The following GOLGA8A variants were observed in gnomAD, a reference collection of about 807,000 sequenced individuals.
GOLGA8A encodes the protein golgin A8 family member A.
In GOLGA8A, 3 loss-of-function variants were observed where a neutral mutation model predicts 22.1. That is an observed-to-expected ratio of 0.14 (90% CI 0.06 to 0.35). The LOEUF is 0.35. Ranked by LOEUF, GOLGA8A falls within the 10% of genes least tolerant of loss-of-function variation. The pLI, the probability that GOLGA8A is intolerant of heterozygous loss-of-function variation, is 1.00. For synonymous variants in GOLGA8A, 7 were observed against 91.7 expected (o/e 0.08, Z 5.28); for missense variants, 16 against 233.2 (o/e 0.07, Z 6.07).
chr15:34,429,174 T>G (rs1297935205), intron 2 of GOLGA8A, among the ~76,000 whole-genome samples: 2 of 147,538 alleles, frequency 1.4e-5, no homozygotes, highest in Non-Finnish European at 3.0e-5. Flanking sequence ...TGACCGCGTC[T>G]TCCTCCCATG....
chr15:34,435,712 G>A (rs868020574), intron 1 of GOLGA8A, among the ~76,000 whole-genome samples: 1 of 148,528 alleles, frequency 6.7e-6, no homozygotes, highest in Non-Finnish European at 1.5e-5. Flanking sequence ...CAGTGGGGAG[G>A]AGCACAGACC....
intron 2 of GOLGA8A, chr15:34,428,647 A>C (rs905328096): frequency 6.8e-6 from 1 of 147,830 alleles, no homozygotes; most frequent in African/African-American, 2.5e-5. Flanking sequence ...GCTTCACATT[A>C]TCACGTAAGA....
rs769476735 is a variant in GOLGA8A, at chr15:34,381,245, C to G, written c.*166G>C. 5.4e-6 allele frequency: 6 copies of G among 1,109,766 alleles called. No individual in the cohort carries two copies. The highest frequency in any genetic ancestry group is 2.6e-5 in the East Asian group (1 of 39,064). 68.7% of individuals were successfully genotyped at this position (1,109,766 alleles called of 1,614,324 possible). On this transcript the variant is annotated 3_prime_UTR_variant, in exon 25 of 25. Coordinates refer to ENST00000359187, the MANE Select transcript of GOLGA8A (RefSeq NM_181077.5). ...TCAGTGAGAGCCACAGAGACCCACT[C>G]TCTTTTAACTTTTTACAAATAAACT...
chr15:34,416,328 C>G (rs1476917157), intron 2 of GOLGA8A: 1 of 147,672 alleles, frequency 6.8e-6, no homozygotes, highest in East Asian at 2.1e-4. Flanking sequence ...TATTTTGATA[C>G]TCTTTTGTCC....
At chr15:34,427,330 CAAAAAAAA>C (rs67775520) in intron 2 of GOLGA8A, among the ~76,000 whole-genome samples, 1 of 78,848 alleles carries the variant, frequency 1.3e-5, no homozygotes, top group Non-Finnish European at 2.5e-5. Flanking sequence ...GACTCCGTCA[CAAAAAAAA>C]AAAAAAAAAA....
At chr15:34,430,981 C>T (rs924534878) in intron 2 of GOLGA8A, among the ~76,000 whole-genome samples, 1 of 145,878 alleles carries the variant, frequency 6.9e-6, no homozygotes, top group African/African-American at 2.5e-5. Flanking sequence ...GCACATGGCT[C>T]ACTTATTACA....
At chr15:34,397,129 CTTCTTTTTTTTTT>C (rs1891882458) in intron 8 of GOLGA8A, among the ~76,000 whole-genome samples, 1 of 27,804 alleles carries the variant, frequency 3.6e-5, no homozygotes, top group South Asian at 5.8e-3. Flanking sequence ...CTTTTTTCTT[CTTCTTTTTTTTTT>C]GGTGGTGGTG....
chr15:34,428,643 C>G (rs1566912944), intron 2 of GOLGA8A: 2 of 147,920 alleles, frequency 1.4e-5, no homozygotes, highest in Non-Finnish European at 3.0e-5. Context: ...TGACGCTTCA[C>G]ATTATCACGT....
In GOLGA8A at chr15:34,437,638, T is replaced by G. The variant is rs1177704025; in HGVS notation, c.-1452A>C. ...CGCCGCCGTCCTCGCCGCGCCGCCG[T>G]CCTCGCCGCGCCGCCGTCCTCGCCG... On this transcript the variant is annotated 5_prime_UTR_variant, in exon 1 of 25. Coordinates refer to ENST00000359187, the MANE Select transcript of GOLGA8A (RefSeq NM_181077.5). Among the ~76,000 whole-genome samples the G allele has an allele frequency of 1.6e-5, 1 of 61,556 alleles. No individual in the cohort carries two copies. Among genetic ancestry groups the G allele is most frequent in the African/African-American group, 6.4e-5 (1 of 15,508 alleles). 40.4% of individuals were successfully genotyped at this position (61,556 alleles called of 152,430 possible). A position where few individuals can be genotyped will look rare whatever the true frequency, so the allele number is the denominator to read the frequency against.
Position 34,430,312 on chromosome 15 carries a change from G to A in GOLGA8A, c.-1123+5071C>T, listed in dbSNP as rs55827792. On this transcript the variant is annotated intron_variant, in intron 2 of 24. Transcript: ENST00000359187. ...CATCCCACCTGCAAAACGATGACAC[G>A]CTCCTCTCCAGGTACCTGAACCTTA... 2.0e-3 allele frequency among the ~76,000 whole-genome samples: 292 copies of A among 149,028 alleles called. 27 individuals carry two copies. Among genetic ancestry groups the A allele is most frequent in the Non-Finnish European group, 2.9e-3 (194 of 67,106 alleles).
chr15:34,422,810 C>T (rs1037661446), intron 2 of GOLGA8A, among the ~76,000 whole-genome samples: 7 of 111,644 alleles, frequency 6.3e-5, no homozygotes, highest in Non-Finnish European at 1.3e-4. Flanking sequence ...GTCCACAGTG[C>T]TCTTCCTGCT....
chr15:34,428,994 G>C (rs575852016), intron 2 of GOLGA8A: 1 of 148,260 alleles, frequency 6.7e-6, no homozygotes, highest in Non-Finnish European at 1.5e-5. Flanking sequence ...GAACCCAGTG[G>C]GGAGTGGGCT....
intron 7 of GOLGA8A, among the ~76,000 whole-genome samples, 190 bp downstream of exon 7, chr15:34,398,965 T>C (rs1362707358): frequency 7.3e-6 from 1 of 137,662 alleles, no homozygotes; most frequent in African/African-American, 2.6e-5. Flanking sequence ...TCTTAATGCC[T>C]ATCCCAGCAT....
At position 34,432,497 on chromosome 15, in the gene GOLGA8A, T is replaced by C. The variant is rs1008460298; in HGVS notation, c.-1123+2886A>G. On this transcript the variant is annotated intron_variant, in intron 2 of 24. Coordinates refer to ENST00000359187, the MANE Select transcript of GOLGA8A (RefSeq NM_181077.5). ...CAGCTACCTGTCCCCAGCCTCCTCGTTGCAAAGTTAAGACAAGACCTGCCT... is the reference window on the plus strand; with the variant it reads ...CAGCTACCTGTCCCCAGCCTCCTCGCTGCAAAGTTAAGACAAGACCTGCCT... Among the ~76,000 whole-genome samples, 3 of 148,924 alleles carry C rather than the reference T, an allele frequency of 2.0e-5. 1 individual carries two copies. Among genetic ancestry groups the C allele is most frequent in the African/African-American group, 7.4e-5 (3 of 40,326 alleles).
At position 34,436,182 on chromosome 15, in the gene GOLGA8A, G is replaced by C. The variant is rs112242436; in HGVS notation, c.-1211-711C>G. Among the ~76,000 whole-genome samples the C allele has an allele frequency of 3.3e-5, 5 of 149,434 alleles. 1 individual carries two copies. Among genetic ancestry groups the C allele is most frequent in the African/African-American group, 1.2e-4 (5 of 40,496 alleles). Reference sequence around the variant, plus strand: ...GAGGCCTGAGAAAAAGCCACCGGCAGGCTCCTGGCACCTGCCAACCTGCAC... The same window carrying C: ...GAGGCCTGAGAAAAAGCCACCGGCACGCTCCTGGCACCTGCCAACCTGCAC... On this transcript the variant is annotated intron_variant, in intron 1 of 24. Transcript: ENST00000359187.
chr15:34,434,493 G>C (rs1893403577), intron 2 of GOLGA8A, among the ~76,000 whole-genome samples: 1 of 149,212 alleles, frequency 6.7e-6, no homozygotes, highest in African/African-American at 2.5e-5. Flanking sequence ...GGGAGGATTG[G>C]CTTCAGGAGA....
At chr15:34,417,870 G>A (rs1371880751) in intron 2 of GOLGA8A, 1 of 144,024 alleles carries the variant, frequency 6.9e-6, no homozygotes, top group Non-Finnish European at 1.5e-5. Context: ...AGACATTTTC[G>A]GTTGTCACAA....
In GOLGA8A at chr15:34,380,279, A is replaced by C. The variant is rs1891416723; in HGVS notation, c.*1132T>G. 6.6e-6 allele frequency: 1 copy of C among 152,186 alleles called. No individual in the cohort carries two copies. The highest frequency in any genetic ancestry group is 2.1e-4 in the South Asian group (1 of 4,826). The allele number at this position is 152,186 out of a possible 1,614,324, so 9.4% of individuals were successfully genotyped here. ...TAAAATCAAACTTCAAGCCTCAAAG[A>C]AGCTCCATGAACAGAGAGGAATGCC... On this transcript the variant is annotated 3_prime_UTR_variant, in exon 25 of 25. Coordinates refer to ENST00000359187, the MANE Select transcript of GOLGA8A (RefSeq NM_181077.5).
At chr15:34,433,796 G>C (rs1942487377) in intron 2 of GOLGA8A, among the ~76,000 whole-genome samples, 1 of 149,710 alleles carries the variant, frequency 6.7e-6, no homozygotes, top group Non-Finnish European at 1.5e-5. Context: ...AGTGGTAAGA[G>C]ACTGACAATA....
Sources: gnomAD v4.1 joint callset for allele counts (sites outside exome capture counted in the v4.1 genomes callset) on GRCh38, gnomAD v4.1.1 for gene constraint, MANE v1.5 for transcripts, NCBI Gene and HGNC (gene_info 2026-07-23, HGNC 2026-07-21) for gene names.